The following CFAP91 variants were observed in gnomAD, a reference collection of about 807,000 sequenced individuals.
CFAP91 encodes cilia and flagella associated protein 91.
In CFAP91, 85 loss-of-function variants were observed where a neutral mutation model predicts 95.9. That is an observed-to-expected ratio of 0.89 (90% CI 0.74 to 1.06). The LOEUF (loss-of-function observed/expected upper bound fraction) is 1.06. CFAP91 is among the 50% of genes least tolerant of loss of function. The pLI is 0.00. For missense variants in CFAP91, 962 were observed against 943.4 expected, an observed-to-expected ratio of 1.02 and a Z score of -0.26; for synonymous variants, 335 against 327.5, an observed-to-expected ratio of 1.02 and a Z score of -0.25.
chr3:119,762,111 A>G (rs567614772), intron 17 of CFAP91, among the ~76,000 whole-genome samples: 5 of 151,938 alleles, frequency 3.3e-5, no homozygotes, highest in African/African-American at 1.2e-4. Flanking sequence ...CAACAAAAAA[A>G]CTAATAGAAA....
At chr3:119,755,870 T>C (rs1310405644) in intron 17 of CFAP91, among the ~76,000 whole-genome samples, 1 of 152,128 alleles carries the variant, frequency 6.6e-6, no homozygotes, top group Non-Finnish European at 1.5e-5. Context: ...CTGAGAGATA[T>C]TTAGAAAGAA....
chr3:119,710,365 A>C (rs936552473), intron 5 of CFAP91: 1 of 156,630 alleles, frequency 6.4e-6, no homozygotes, highest in African/African-American at 2.4e-5. Flanking sequence ...CACATGGCAG[A>C]AGAAGCAAAT....
At chr3:119,705,081 T>G (rs1160061314) in intron 1 of CFAP91, among the ~76,000 whole-genome samples, 1 of 152,216 alleles carries the variant, frequency 6.6e-6, no homozygotes, top group Admixed American at 6.5e-5. Flanking sequence ...AACACATCTC[T>G]ATGCTTGCTT....
intron 14 of CFAP91, among the ~76,000 whole-genome samples, chr3:119,746,613 C>G (rs2054223403): frequency 6.6e-6 from 1 of 152,152 alleles, no homozygotes; most frequent in Non-Finnish European, 1.5e-5. Flanking sequence ...TTGGTCAGAA[C>G]GTGGTCATAT....
chr3:119,736,268 GTTTTTTT>G (rs770777389), intron 10 of CFAP91, among the ~76,000 whole-genome samples: 2 of 85,326 alleles, frequency 2.3e-5, no homozygotes, highest in Non-Finnish European at 4.5e-5. Flanking sequence ...TCTTTCTATT[GTTTTTTT>G]TTTTTTTTTT....
chr3:119,730,006 C>T (rs569452785), intron 7 of CFAP91, among the ~76,000 whole-genome samples: 2 of 152,304 alleles, frequency 1.3e-5, no homozygotes, highest in African/African-American at 4.8e-5. Context: ...TCCTTGAGAA[C>T]TACACCCATA....
intron 5 of CFAP91, among the ~76,000 whole-genome samples, chr3:119,713,467 A>G (rs1225170313): frequency 6.6e-6 from 1 of 150,566 alleles, no homozygotes; most frequent in African/African-American, 2.5e-5. Context: ...CTGTGCTCGT[A>G]TATAAGCTCT....
At chr3:119,730,455 TATG>T in intron 8 of CFAP91, 78 bp downstream of exon 8, 1 of 1,422,282 alleles carries the variant, frequency 7.0e-7, no homozygotes, top group Admixed American at 2.0e-5. Context: ...CTGACTTAAC[TATG>T]ATATAATTCT....
chr3:119,707,493 A>G lies in CFAP91; in HGVS notation c.291A>G (p.Pro97=). 2 of 1,598,480 alleles carry G rather than the reference A, an allele frequency of 1.3e-6. No homozygotes were observed. The highest frequency in any genetic ancestry group is 1.7e-6 in the Non-Finnish European group (2 of 1,169,304). ...SLYWSKSDPV[P]PFISREWKGH... is the part of the protein sequence containing the mutation. ...ATTGGAGCAAGTCAGATCCTGTCCC[A>G]CCATTTATCAGTCGGGAATGGAAGG... Residue 97 remains proline (P), a synonymous_variant, in exon 3 of 18, where the codon CCA becomes CCG. Coordinates refer to ENST00000273390, the MANE Select transcript of CFAP91 (RefSeq NM_033364.4).
intron 6 of CFAP91, among the ~76,000 whole-genome samples, chr3:119,721,093 A>G (rs2053676114): frequency 6.6e-6 from 1 of 152,226 alleles, no homozygotes; most frequent in Non-Finnish European, 1.5e-5. Context: ...ATGCAAAAAA[A>G]TTCTAAATAA....
intron 10 of CFAP91, among the ~76,000 whole-genome samples, chr3:119,735,591 T>C (rs2053985891): frequency 6.6e-6 from 1 of 152,252 alleles, no homozygotes; most frequent in Non-Finnish European, 1.5e-5. Flanking sequence ...TCAGAGGTCA[T>C]AGTCTGTGTG....
chr3:119,729,631 G>A (rs776701720), intron 7 of CFAP91, among the ~76,000 whole-genome samples: 34 of 150,852 alleles, frequency 2.3e-4, no homozygotes, highest in Non-Finnish European at 2.5e-4. Flanking sequence ...GCAACAGAGC[G>A]AGACTCTGTC....
chr3:119,706,423 A>G (rs114092335), intron 1 of CFAP91: 1 of 159,790 alleles, frequency 6.3e-6, no homozygotes, highest in Non-Finnish European at 1.4e-5. Flanking sequence ...TTCACTTGCA[A>G]ATTGGCATAG....
intron 6 of CFAP91, among the ~76,000 whole-genome samples, chr3:119,716,592 C>T (rs949799614): frequency 2.6e-5 from 4 of 152,060 alleles, no homozygotes; most frequent in Non-Finnish European, 4.4e-5. Flanking sequence ...TATCAACACC[C>T]ATACTTTTTT....
chr3:119,749,714 G>T (rs2054290920), intron 16 of CFAP91, among the ~76,000 whole-genome samples: 1 of 151,958 alleles, frequency 6.6e-6, no homozygotes, highest in African/African-American at 2.4e-5. Flanking sequence ...GAGCACACTA[G>T]GACCTTTTTC....
chr3:119,757,463 G>A (rs1327736989), intron 17 of CFAP91, among the ~76,000 whole-genome samples: 1 of 152,020 alleles, frequency 6.6e-6, no homozygotes, highest in Admixed American at 6.6e-5. Flanking sequence ...GGACAACATG[G>A]TGAAGCCGTG....
intron 17 of CFAP91, among the ~76,000 whole-genome samples, chr3:119,761,393 G>A (rs1309823447): frequency 6.6e-6 from 1 of 151,706 alleles, no homozygotes; most frequent in Non-Finnish European, 1.5e-5. Flanking sequence ...GAAAATCCCA[G>A]GCAGGACCCA....
intron 17 of CFAP91, among the ~76,000 whole-genome samples, chr3:119,759,216 G>C (rs1439266677): frequency 1.3e-5 from 2 of 151,876 alleles, no homozygotes; most frequent in Non-Finnish European, 2.9e-5. Flanking sequence ...ATAATCCACA[G>C]TATGAATTTA....
intron 16 of CFAP91, among the ~76,000 whole-genome samples, chr3:119,749,584 G>A (rs1297821571): frequency 2.6e-5 from 4 of 152,070 alleles, no homozygotes; most frequent in African/African-American, 7.2e-5. Context: ...TCTGAGTTGA[G>A]GATTTGGAGG....
Sources: gnomAD v4.1 joint callset for allele counts (sites outside exome capture counted in the v4.1 genomes callset) on GRCh38, gnomAD v4.1.1 for gene constraint, MANE v1.5 for transcripts, NCBI Gene and HGNC (gene_info 2026-07-23, HGNC 2026-07-21) for gene names.